Variants in ABR observed in about 807,000 individuals in gnomAD.
ABR encodes the protein ABR activator of RhoGEF and GTPase, also known as active breakpoint cluster region-related protein.
In ABR, 35 loss-of-function variants were observed where a neutral mutation model predicts 107.2. The ratio of observed to expected loss-of-function variants is 0.33; its 90% confidence interval spans 0.25 to 0.43. The LOEUF is 0.43. ABR is among the 20% of genes least tolerant of loss of function. The pLI is 1.00. For missense variants in ABR, 815 were observed against 1,115.2 expected, an observed-to-expected ratio of 0.73 and a Z score of 3.83; for synonymous variants, 498 against 462.0, an observed-to-expected ratio of 1.08 and a Z score of -1.00.
chr17:1,131,224 CCT>C (rs2039816777), intron 1 of ABR, among the ~76,000 whole-genome samples: 3 of 112,016 alleles, frequency 2.7e-5, no homozygotes, highest in African/African-American at 7.1e-5. Flanking sequence ...ACAGCTCCCC[CCT>C]CTTTGCACAC....
At position 1,146,965 on chromosome 17, in the gene ABR, A is replaced by G. The variant is rs1006130069; in HGVS notation, c.62-21598T>C. On this transcript the variant is annotated intron_variant, in intron 1 of 22. Coordinates refer to ENST00000302538, the MANE Select transcript of ABR (RefSeq NM_021962.5). ...AGGCTCAAGGGCCTTCATCCTTCAC[A>G]TAAGCCACCTGCCACTATGTGGTCA... Among the ~76,000 whole-genome samples, 7 of 152,270 alleles carry G rather than the reference A, an allele frequency of 4.6e-5. 1 individual carries two copies. In the Middle Eastern group the frequency reaches 0.01, roughly 222 times the overall value.
rs570878627 is a variant in ABR at position 1,194,567 on chromosome 17, C to G, written c.838+34226G>C. On this transcript the variant is annotated intron_variant, in intron 1 of 22. Transcript: ENST00000574139. ...AGTGTAGTGGTGCAATCATAGCTCA[C>G]TACAGTCTCGACCTCCCAGGCTCAA... 2.3e-5 allele frequency among the ~76,000 whole-genome samples: 3 copies of G among 129,494 alleles called. 1 individual carries two copies. In the South Asian group the frequency reaches 8.3e-4, roughly 36 times the overall value. 85.0% of individuals were successfully genotyped at this position (129,494 alleles called of 152,430 possible). A position where few individuals can be genotyped will look rare whatever the true frequency, so the allele number is the denominator to read the frequency against.
At chr17:1,118,316 C>A (rs1489668504) in intron 2 of ABR, among the ~76,000 whole-genome samples, 1 of 59,354 alleles carries the variant, frequency 1.7e-5, no homozygotes, top group Non-Finnish European at 3.3e-5. Flanking sequence ...TTCTCCCCAG[C>A]GTTATCCCTG....
chr17:1,115,133 G>C (rs2038924676), intron 2 of ABR: 1 of 152,360 alleles, frequency 6.6e-6, no homozygotes, highest in South Asian at 2.1e-4. Context: ...GAGGATTTCA[G>C]GACAGGTGTG....
At chr17:1,194,064 C>G (rs1051468556) in intron 1 of ABR, among the ~76,000 whole-genome samples, 1 of 152,148 alleles carries the variant, frequency 6.6e-6, no homozygotes, top group Non-Finnish European at 1.5e-5. Flanking sequence ...AATTTCCATC[C>G]TCTTTCTCCT....
intron 9 of ABR, among the ~76,000 whole-genome samples, chr17:1,069,336 G>A (rs1329264149): frequency 1.3e-5 from 2 of 152,134 alleles, no homozygotes; most frequent in African/African-American, 4.8e-5. Context: ...AAAAGGCTAT[G>A]TAGTGAAATT....
chr17:1,173,564 G>A (rs1254471608), intron 1 of ABR, among the ~76,000 whole-genome samples: 1 of 151,990 alleles, frequency 6.6e-6, no homozygotes, highest in Non-Finnish European at 1.5e-5. Flanking sequence ...CCCTTTGGGG[G>A]TCTCTGACTC....
chr17:1,171,249 A>G (rs1243017973), intron 1 of ABR, among the ~76,000 whole-genome samples: 1 of 152,176 alleles, frequency 6.6e-6, no homozygotes, highest in Non-Finnish European at 1.5e-5. Flanking sequence ...ATCTCGATCC[A>G]TTAAACCTTT....
chr17:1,067,185 T>C lies in ABR; in HGVS notation c.1074A>G (p.Pro358=), dbSNP rs746438527. The change falls in exon 10 of 23, where the codon CCA becomes CCG. Residue 358 remains proline (P), a synonymous_variant. Transcript: ENST00000302538. The part of the protein sequence containing the change: ...WYIPLADLVF[P]SPEESEASPQ... The stretch of plus-strand genomic sequence containing the variant: ...GGCTGGCCTCAGACTCCTCGGGGGA[T>C]GGAAACACCAGGTCGGCCAGGGGGA... The C allele has an allele frequency of 1.2e-6, 2 of 1,613,292 alleles. No homozygotes were observed. The highest frequency in any genetic ancestry group is 1.7e-6 in the Non-Finnish European group (2 of 1,179,704).
rs939758341 is a variant in ABR, at chr17:1,150,457, A to T, written c.62-25090T>A. On this transcript the variant is annotated intron_variant, in intron 1 of 22. Transcript: ENST00000302538. This position sits in a 1 kb window ranked among gnomAD's most constrained non-coding sequence, Gnocchi z 4.8. The stretch of plus-strand genomic sequence containing the variant: ...AGCAGTCAGATTCGTCCAGACACAA[A>T]GAGGAGGGTGGTGGCCAGGAGCTGC... 4.6e-5 allele frequency among the ~76,000 whole-genome samples: 7 copies of T among 152,160 alleles called. No homozygotes were observed. The South Asian group carries it at 1.5e-3, about 32-fold the overall frequency.
At position 1,154,204 on chromosome 17, in the gene ABR, C is replaced by G. The variant is rs1326003633; in HGVS notation, c.61+25463G>C. On this transcript the variant is annotated intron_variant, in intron 1 of 22. Transcript: ENST00000302538. The surrounding 1 kb of genome is among the most constrained non-coding windows in gnomAD (Gnocchi z 4.0). ...CCTGGTGTCCCTGCCGCGGCTGCCA[C>G]TTCTGGGAGATTCATCTCTAAGGCC... is the stretch of plus-strand genomic sequence containing the variant. 2 of 152,580 alleles carry G rather than the reference C, an allele frequency of 1.3e-5. No homozygotes were observed. The highest frequency in any genetic ancestry group is 2.9e-5 in the Non-Finnish European group (2 of 68,232). The allele number at this position is 152,580 out of a possible 1,614,324, so 9.5% of individuals were successfully genotyped here. A position where few individuals can be genotyped will look rare whatever the true frequency, so the allele number is the denominator to read the frequency against.
intron 1 of ABR, among the ~76,000 whole-genome samples, chr17:1,132,026 C>T (rs1247112858): frequency 6.6e-6 from 1 of 151,988 alleles, no homozygotes; most frequent in South Asian, 2.1e-4. Flanking sequence ...GCACACAGCT[C>T]CCCCCTCTTT....
At chr17:1,174,471 T>C (rs1257390444) in intron 1 of ABR, among the ~76,000 whole-genome samples, 1 of 151,900 alleles carries the variant, frequency 6.6e-6, no homozygotes, top group Non-Finnish European at 1.5e-5. Flanking sequence ...GGGGCTCAGA[T>C]GAGAAACTGA....
In ABR at chr17:1,078,858, A is replaced by C. The variant is rs1044535038; in HGVS notation, c.700+472T>G. ...GAAGCGAATAATGAGGAGAATCTCC[A>C]TGGCAGCCTCTGTCCCCGCGGCGGG... On this transcript the variant is annotated intron_variant, in intron 6 of 22. Coordinates refer to ENST00000302538, the MANE Select transcript of ABR (RefSeq NM_021962.5). This position sits in a 1 kb window ranked among gnomAD's most constrained non-coding sequence, Gnocchi z 7.5. 32 of 1,535,524 alleles carry C rather than the reference A, an allele frequency of 2.1e-5. No homozygotes were observed. Among genetic ancestry groups the C allele is most frequent in the Non-Finnish European group, 2.8e-5 (32 of 1,146,782 alleles).
At chr17:1,155,728 G>C (rs1411934595) in intron 1 of ABR, among the ~76,000 whole-genome samples, 1 of 152,104 alleles carries the variant, frequency 6.6e-6, no homozygotes, top group Admixed American at 6.5e-5. Flanking sequence ...CACTTTGGGA[G>C]GCCGAGGCGG....
intron 4 of ABR, among the ~76,000 whole-genome samples, chr17:1,085,091 T>G (rs1301482339): frequency 7.4e-6 from 1 of 135,766 alleles, no homozygotes; most frequent in African/African-American, 2.8e-5. Context: ...TGTGAGCCAC[T>G]GCGCCCGGCC....
intron 1 of ABR, among the ~76,000 whole-genome samples, chr17:1,207,922 C>T (rs2042826854): frequency 6.6e-6 from 1 of 151,848 alleles, no homozygotes; most frequent in Non-Finnish European, 1.5e-5. Flanking sequence ...AGGCGCCTGC[C>T]ACTGCACCAG....
rs1391165873 is a variant in ABR, at chr17:1,071,213, T to C, written c.895-1123A>G. 6.6e-6 allele frequency among the ~76,000 whole-genome samples: 1 copy of C among 152,026 alleles called. No homozygotes were observed. Among genetic ancestry groups the C allele is most frequent in the African/African-American group, 2.4e-5 (1 of 41,382 alleles). ...GGGTACGCTAAGCCCTCTGGAGATTTTTCAGATATCCCCAGAGTAAAACAG... is the reference window on the plus strand; with the variant it reads ...GGGTACGCTAAGCCCTCTGGAGATTCTTCAGATATCCCCAGAGTAAAACAG... On this transcript the variant is annotated intron_variant, in intron 8 of 22. Coordinates refer to ENST00000302538, the MANE Select transcript of ABR (RefSeq NM_021962.5). This position sits in a 1 kb window ranked among gnomAD's most constrained non-coding sequence, Gnocchi z 5.1.
chr17:1,129,067 TC>T (rs928708321), intron 1 of ABR, among the ~76,000 whole-genome samples: 9 of 152,236 alleles, frequency 5.9e-5, no homozygotes, highest in African/African-American at 2.4e-5. Context: ...TCGGTGCTTT[TC>T]CTCTGACTGT....
Sources: gnomAD v4.1 joint callset for allele counts (sites outside exome capture counted in the v4.1 genomes callset) on GRCh38, gnomAD v4.1.1 for gene constraint, Gnocchi (gnomAD v3.1) non-coding constraint, MANE v1.5 for transcripts, NCBI Gene and HGNC (gene_info 2026-07-23, HGNC 2026-07-21) for gene names.